Variants in LGSN observed in about 807,000 individuals in gnomAD.
The protein encoded by LGSN is lengsin.
A neutral mutation model predicts 19.5 loss-of-function variants in LGSN; 21 were observed. That is an observed-to-expected ratio of 1.07 (90% CI 0.76 to 1.55). LGSN has a LOEUF of 1.55. Ranked by LOEUF, LGSN falls within the 40% of genes most tolerant of loss-of-function variation. The pLI is 0.00. For synonymous variants in LGSN, 257 were observed against 215.6 expected, an observed-to-expected ratio of 1.19 and a Z score of -1.68; for missense variants, 673 against 608.5, an observed-to-expected ratio of 1.11 and a Z score of -1.12.
the LGSN span, among the ~76,000 whole-genome samples, chr6:63,327,924 T>C: frequency 6.6e-6 from 1 of 152,224 alleles, no homozygotes; most frequent in African/African-American, 2.4e-5. Flanking sequence ...CCTCTTTGTG[T>C]TCCTGCACCG....
At chr6:63,328,053 C>G in the LGSN span, among the ~76,000 whole-genome samples, 1 of 152,358 alleles carries the variant, frequency 6.6e-6, no homozygotes, top group South Asian at 2.1e-4. Context: ...TACTTGCTAT[C>G]TGTATACACA....
chr6:63,541,892 T>G, the LGSN span, among the ~76,000 whole-genome samples: 1 of 152,176 alleles, frequency 6.6e-6, no homozygotes, highest in Non-Finnish European at 1.5e-5. Flanking sequence ...TCCATCCAGC[T>G]TACAACCATT....
At position 63,276,636 on chromosome 6, in the gene LGSN, A is replaced by G. The variant is rs189714334; in HGVS notation, c.*3385T>C. 1 of 152,206 alleles carries G rather than the reference A, an allele frequency of 6.6e-6. No individual in the cohort carries two copies. Among genetic ancestry groups the G allele is most frequent in the Non-Finnish European group, 1.5e-5 (1 of 68,032 alleles). The allele number at this position is 152,206 out of a possible 1,614,324, so 9.4% of individuals were successfully genotyped here. ...TTTCAGCATTAGGTCTACAAAAAAAATTATTTATGTTCTGCTTAAGATACA... is the reference window on the plus strand; with the variant it reads ...TTTCAGCATTAGGTCTACAAAAAAAGTTATTTATGTTCTGCTTAAGATACA... On this transcript the variant is annotated 3_prime_UTR_variant, in exon 4 of 4. Transcript: ENST00000370657.
the LGSN span, among the ~76,000 whole-genome samples, chr6:63,511,398 C>T: frequency 6.6e-6 from 1 of 152,088 alleles, no homozygotes; most frequent in Non-Finnish European, 1.5e-5. Context: ...GGATTACAGG[C>T]ATGCACCACC....
intron 1 of LGSN, among the ~76,000 whole-genome samples, chr6:63,310,242 G>A (rs1016901062): frequency 6.6e-6 from 1 of 152,182 alleles, no homozygotes; most frequent in African/African-American, 2.4e-5. Flanking sequence ...GTGGTTTGAT[G>A]TAGCCATCCA....
At chr6:63,510,295 T>C in the LGSN span, among the ~76,000 whole-genome samples, 1 of 152,106 alleles carries the variant, frequency 6.6e-6, no homozygotes, top group Non-Finnish European at 1.5e-5. Context: ...ATCTGCACTT[T>C]AGCCCCACTC....
At chr6:63,429,713 T>C in the LGSN span, among the ~76,000 whole-genome samples, 4 of 139,226 alleles carry the variant, frequency 2.9e-5, no homozygotes, top group Non-Finnish European at 4.5e-5. Context: ...CTGAACTCCA[T>C]GGACAGAGCA....
At chr6:63,322,432 T>A (rs1297730135), upstream of LGSN, among the ~76,000 whole-genome samples, 1 of 152,142 alleles carries the variant, frequency 6.6e-6, no homozygotes, top group Middle Eastern at 3.2e-3. Flanking sequence ...AAATATGGTT[T>A]CAGGTCAGCA....
the LGSN span, among the ~76,000 whole-genome samples, chr6:63,366,578 T>G: frequency 3.2e-3 from 489 of 151,836 alleles, 3 homozygotes; most frequent in African/African-American, 0.011. Context: ...TCACAGAATT[T>G]GAAAAAACTA....
At chr6:63,478,931 G>T in the LGSN span, among the ~76,000 whole-genome samples, 1 of 152,144 alleles carries the variant, frequency 6.6e-6, no homozygotes, top group African/African-American at 2.4e-5. Flanking sequence ...ATACCACAGT[G>T]GTTACAATGG....
At chr6:63,344,646 T>A in the LGSN span, among the ~76,000 whole-genome samples, 3 of 152,186 alleles carry the variant, frequency 2.0e-5, no homozygotes, top group South Asian at 4.1e-4. Flanking sequence ...ATTGTAAGAA[T>A]GCCTGGTGGG....
At chr6:63,287,136 G>T (rs1767570039) in intron 2 of LGSN, among the ~76,000 whole-genome samples, 1 of 152,054 alleles carries the variant, frequency 6.6e-6, no homozygotes, top group Admixed American at 6.5e-5. Context: ...TAGATTTTAA[G>T]TATGAAGCAT....
At chr6:63,442,009 G>A in the LGSN span, 7 of 169,596 alleles carry the variant, frequency 4.1e-5, no homozygotes, top group South Asian at 1.0e-3. Context: ...GTTCAGATGC[G>A]TCCGGAGTTT....
the LGSN span, among the ~76,000 whole-genome samples, chr6:63,460,100 C>CTTTTTTTTTTT: frequency 1.3e-3 from 74 of 56,134 alleles, 1 homozygote; most frequent in Non-Finnish European, 1.5e-3. Context: ...ATTTCATTCC[C>CTTTTTTTTTTT]TTTTTTTTTT....
the LGSN span, chr6:63,392,221 C>G: frequency 6.6e-6 from 1 of 152,328 alleles, no homozygotes; most frequent in Non-Finnish European, 1.5e-5. Flanking sequence ...GCTAGAAGCC[C>G]CTTCCTCAGT....
chr6:63,554,138 C>T, the LGSN span, among the ~76,000 whole-genome samples: 1 of 152,142 alleles, frequency 6.6e-6, no homozygotes, highest in Non-Finnish European at 1.5e-5. Flanking sequence ...GTAGCCTCCT[C>T]TCAGAGGCAA....
chr6:63,351,217 C>T, the LGSN span, among the ~76,000 whole-genome samples: 8 of 152,120 alleles, frequency 5.3e-5, no homozygotes, highest in African/African-American at 1.9e-4. Context: ...CCAAAGCTAC[C>T]AGTGTCTTGT....
At chr6:63,375,222 A>G in the LGSN span, among the ~76,000 whole-genome samples, 5 of 152,242 alleles carry the variant, frequency 3.3e-5, no homozygotes, top group East Asian at 9.6e-4. Context: ...ATTGGGTTAA[A>G]TATATCCAGA....
chr6:63,450,751 C>A, the LGSN span, among the ~76,000 whole-genome samples: 12 of 151,642 alleles, frequency 7.9e-5, no homozygotes, highest in African/African-American at 2.9e-4. Flanking sequence ...TGACTCACTG[C>A]AACCTCCACC....
Sources: allele counts gnomAD v4.1 joint callset (sites outside exome capture counted in the v4.1 genomes callset), GRCh38; gene constraint gnomAD v4.1.1; transcripts MANE v1.5; gene names NCBI Gene and HGNC (gene_info 2026-07-23, HGNC 2026-07-21).